The following DNAH11 variants were observed in gnomAD, a reference collection of about 807,000 sequenced individuals.
DNAH11 encodes the protein axonemal beta dynein heavy chain 11.
In DNAH11, 442 loss-of-function variants were observed where a neutral mutation model predicts 526.0. The observed-to-expected ratio is 0.84, with a 90% CI of 0.78 to 0.91. The LOEUF is 0.91. Among genes scored for constraint, DNAH11 ranks in the 40% least tolerant of loss-of-function variants. DNAH11 has a pLI of 0.00. For missense variants in DNAH11, 6,989 were observed against 5,448.7 expected, an observed-to-expected ratio of 1.28 and a Z score of -8.90; for synonymous variants, 2,461 against 1,935.9, an observed-to-expected ratio of 1.27 and a Z score of -7.12.
At chr7:21,814,345 A>T (rs879866562) in intron 63 of DNAH11, among the ~76,000 whole-genome samples, 42 of 100,676 alleles carry the variant, frequency 4.2e-4, no homozygotes, top group East Asian at 3.4e-3. Flanking sequence ...TTATTTATTT[A>T]TTTATTTTTT....
chr7:21,577,629 A>G (rs970694586), intron 8 of DNAH11, among the ~76,000 whole-genome samples: 3 of 152,192 alleles, frequency 2.0e-5, no homozygotes, highest in African/African-American at 4.8e-5. Flanking sequence ...AGCGGTAACA[A>G]GGAGCCCCGC....
chr7:21,828,625 AATAAC>A (rs1309350764), intron 65 of DNAH11, among the ~76,000 whole-genome samples: 1 of 152,164 alleles, frequency 6.6e-6, no homozygotes. Context: ...CTTCCAATAA[AATAAC>A]AAACAAATGA....
At position 21,784,515 on chromosome 7, in the gene DNAH11, C is replaced by T. The variant is rs760597183; in HGVS notation, c.9572C>T (p.Thr3191Ile). ...LKAEPALVAA[T>I]AALNTLNRVN... Reference sequence around the variant, plus strand: ...GCTGAGCCTGCACTGGTGGCTGCTACAGCTGCACTCAATACACTCAACAGG... The same window carrying T: ...GCTGAGCCTGCACTGGTGGCTGCTATAGCTGCACTCAATACACTCAACAGG... The change falls in exon 58 of 82, where the codon ACA (threonine) becomes ATA (isoleucine). Residue 3191 changes from threonine to isoleucine, a missense_variant. Coordinates refer to ENST00000409508, the MANE Select transcript of DNAH11 (RefSeq NM_001277115.2). 8 of 1,612,368 alleles carry T rather than the reference C, an allele frequency of 5.0e-6. No individual in the cohort carries two copies. The highest frequency in any genetic ancestry group is 1.3e-5 in the African/African-American group (1 of 75,010).
chr7:21,791,285 G>A (rs895573410), intron 61 of DNAH11, among the ~76,000 whole-genome samples: 1 of 152,204 alleles, frequency 6.6e-6, no homozygotes, highest in South Asian at 2.1e-4. Flanking sequence ...CCAGCTTCCA[G>A]TCTGCCACCT....
chr7:21,888,406 A>G (rs1784207512), intron 76 of DNAH11, among the ~76,000 whole-genome samples: 1 of 152,190 alleles, frequency 6.6e-6, no homozygotes, highest in South Asian at 2.1e-4. Context: ...AATCTCATGG[A>G]GTCCAACATA....
Position 21,602,557 on chromosome 7 carries a change from T to TTGTGTGTG in DNAH11, c.3648+975_3648+982dup, listed in dbSNP as rs60703018. Among the ~76,000 whole-genome samples, 25 of 149,124 alleles carry TTGTGTGTG rather than the reference T, an allele frequency of 1.7e-4. 1 individual carries two copies. The highest frequency in any genetic ancestry group is 4.7e-4 in the African/African-American group (19 of 40,380). ...TATGCCAATATTGATATTTTATAGA[T>TTGTGTGTG]TGTGTGTGTGTGTGTGTGTGTGTGT... On this transcript the variant is annotated intron_variant, in intron 18 of 81. Transcript: ENST00000409508.
At chr7:21,756,135 T>C (rs1786626008) in intron 54 of DNAH11, among the ~76,000 whole-genome samples, 1 of 152,112 alleles carries the variant, frequency 6.6e-6, no homozygotes, top group Non-Finnish European at 1.5e-5. Flanking sequence ...TTGCACTCCA[T>C]GGTTATAAAA....
chr7:21,705,489 G>T lies in DNAH11; in HGVS notation c.6498G>T (p.Val2166=). The T allele has an allele frequency of 6.2e-7, 1 of 1,613,750 alleles. No homozygotes were observed. Among genetic ancestry groups the T allele is most frequent in the Non-Finnish European group, 8.5e-7 (1 of 1,179,730 alleles). Reference sequence around the variant, plus strand: ...TCCAGCTTGAGGAACTGTTGGCTGTGCGGCACTCGGTCTTTGTAGTTGGAA... The same window carrying T: ...TCCAGCTTGAGGAACTGTTGGCTGTTCGGCACTCGGTCTTTGTAGTTGGAA... ...KVVQLEELLA[V]RHSVFVVGNA... The change falls in exon 39 of 82, where the codon GTG becomes GTT. Residue 2166 remains valine (V), a synonymous_variant. Coordinates refer to ENST00000409508, the MANE Select transcript of DNAH11 (RefSeq NM_001277115.2).
chr7:21,691,125 A>G (rs186681844), intron 35 of DNAH11, among the ~76,000 whole-genome samples: 9 of 151,564 alleles, frequency 5.9e-5, no homozygotes, highest in Admixed American at 2.6e-4. Context: ...ACTGTTAGCT[A>G]TTTTGTAATG....
chr7:21,724,944 C>T (rs1785037571), intron 44 of DNAH11, among the ~76,000 whole-genome samples: 3 of 147,516 alleles, frequency 2.0e-5, no homozygotes, highest in South Asian at 4.4e-4. Flanking sequence ...TGGACATGGG[C>T]ATCACTGGGA....
At chr7:21,883,105 C>T (rs1011265406) in intron 75 of DNAH11, among the ~76,000 whole-genome samples, 1 of 152,184 alleles carries the variant, frequency 6.6e-6, no homozygotes, top group African/African-American at 2.4e-5. Context: ...GCTTAAAAGA[C>T]ATATTTGAGG....
At chr7:21,728,431 G>A (rs565856262) in intron 45 of DNAH11, among the ~76,000 whole-genome samples, 2 of 151,622 alleles carry the variant, frequency 1.3e-5, no homozygotes, top group South Asian at 2.1e-4. Context: ...GCTAATTTTT[G>A]TATTTTTAGT....
At chr7:21,616,116 G>A in intron 21 of DNAH11, 93 bp from the exon 22 acceptor site, 2 of 914,472 alleles carry the variant, frequency 2.2e-6, no homozygotes, top group Non-Finnish European at 3.5e-6. Context: ...CTGGATGATA[G>A]AGTTACAGTG....
intron 9 of DNAH11, among the ~76,000 whole-genome samples, chr7:21,583,514 T>C (rs544145660): frequency 5.9e-5 from 9 of 152,234 alleles, no homozygotes; most frequent in African/African-American, 1.7e-4. Context: ...ATTCAGGACA[T>C]AGGCATGGGC....
At position 21,745,164 on chromosome 7, in the gene DNAH11, A is replaced by C. The variant is rs1053428002; in HGVS notation, c.8510+101A>C. On this transcript the variant is annotated intron_variant, in intron 51 of 81. Coordinates refer to ENST00000409508, the MANE Select transcript of DNAH11 (RefSeq NM_001277115.2). Reference sequence around the variant, plus strand: ...ATCATACTAAGCACTCTGAACCATCAGTTCTTATCTGCTGTTTGACATATA... The same window carrying C: ...ATCATACTAAGCACTCTGAACCATCCGTTCTTATCTGCTGTTTGACATATA... The C allele has an allele frequency of 7.8e-5, 91 of 1,166,094 alleles. 3 individuals are homozygous for C. The South Asian group carries it at 1.0e-3, about 13-fold the overall frequency. The allele number at this position is 1,166,094 out of a possible 1,614,324, so 72.2% of individuals were successfully genotyped here.
chr7:21,886,510 A>T (rs1032167081), intron 76 of DNAH11, among the ~76,000 whole-genome samples: 8 of 152,154 alleles, frequency 5.3e-5, no homozygotes, highest in Non-Finnish European at 1.2e-4. Flanking sequence ...TCAGAGAGAG[A>T]CTTCCAATTT....
rs115622733 is a variant in DNAH11 at position 21,599,105 on chromosome 7, A to G, written c.2668-682A>G. Among the ~76,000 whole-genome samples, 1,474 of 152,290 alleles carry G rather than the reference A, an allele frequency of 9.7e-3. 21 individuals are homozygous for G. Among genetic ancestry groups the G allele is most frequent in the African/African-American group, 0.033 (1,358 of 41,548 alleles). Reference sequence around the variant, plus strand: ...TATCCCTTTTGGTGTATATCCAGTGATGGGATTGCTGGGTCAAATGATATT... The same window carrying G: ...TATCCCTTTTGGTGTATATCCAGTGGTGGGATTGCTGGGTCAAATGATATT... On this transcript the variant is annotated intron_variant, in intron 14 of 81. Coordinates refer to ENST00000409508, the MANE Select transcript of DNAH11 (RefSeq NM_001277115.2).
chr7:21,617,037 A>C (rs966349174), intron 22 of DNAH11, among the ~76,000 whole-genome samples: 4 of 152,158 alleles, frequency 2.6e-5, no homozygotes, highest in Non-Finnish European at 5.9e-5. Flanking sequence ...TTCGGATGTC[A>C]TGGGGTCACA....
intron 32 of DNAH11, among the ~76,000 whole-genome samples, chr7:21,686,749 A>T (rs562316788): frequency 6.6e-6 from 1 of 152,160 alleles, no homozygotes; most frequent in East Asian, 1.9e-4. Flanking sequence ...TTTATAAACA[A>T]TAGTTTGGAT....
Sources: gnomAD v4.1 joint callset for allele counts (sites outside exome capture counted in the v4.1 genomes callset) on GRCh38, gnomAD v4.1.1 for gene constraint, MANE v1.5 for transcripts, NCBI Gene and HGNC (gene_info 2026-07-23, HGNC 2026-07-21) for gene names.